RALYL: variants seen among roughly 807,000 people sequenced by gnomAD.
RALYL encodes RNA-binding Raly-like protein.
In RALYL, 29 loss-of-function variants were observed where a neutral mutation model predicts 35.1. The observed-to-expected ratio is 0.83, with a 90% CI of 0.61 to 1.13. The LOEUF (loss-of-function observed/expected upper bound fraction) is 1.13. Among genes scored for constraint, RALYL ranks in the 50% most tolerant of loss-of-function variants. The probability of loss-of-function intolerance (pLI) is 0.00; values close to 1 mark genes in which losing one functional copy is unlikely to be tolerated. For synonymous variants in RALYL, 120 were observed against 127.6 expected, an observed-to-expected ratio of 0.94 and a Z score of 0.40; for missense variants, 359 against 360.4, an observed-to-expected ratio of 1.00 and a Z score of 0.03.
chr8:84,815,703 A>G (rs1474358876), intron 4 of RALYL, among the ~76,000 whole-genome samples: 1 of 152,060 alleles, frequency 6.6e-6, no homozygotes, highest in Non-Finnish European at 1.5e-5. Flanking sequence ...CTGATCTTGG[A>G]AATAAGCTGA....
chr8:84,653,141 C>T (rs1008169666), intron 2 of RALYL, among the ~76,000 whole-genome samples: 1 of 152,004 alleles, frequency 6.6e-6, no homozygotes, highest in Non-Finnish European at 1.5e-5. Context: ...GCATGCTGTA[C>T]ACATGCTTTC....
At chr8:84,793,380 T>C (rs1040700711) in intron 3 of RALYL, among the ~76,000 whole-genome samples, 1 of 152,178 alleles carries the variant, frequency 6.6e-6, no homozygotes, top group Non-Finnish European at 1.5e-5. Context: ...ATTAATCAAT[T>C]GGGTCAACTG....
At chr8:84,552,338 G>GTGTATATA in intron 2 of RALYL, among the ~76,000 whole-genome samples, 1 of 73,924 alleles carries the variant, frequency 1.4e-5, no homozygotes, top group East Asian at 4.1e-4. Context: ...GGATGTGTGT[G>GTGTATATA]TATATATATA....
intron 2 of RALYL, among the ~76,000 whole-genome samples, chr8:84,701,801 C>T (rs892670715): frequency 4.6e-5 from 7 of 152,076 alleles, no homozygotes; most frequent in Admixed American, 2.6e-4. Context: ...TGGATTCACC[C>T]CTCCTAGAAG....
chr8:84,742,978 A>G (rs1369908156), intron 2 of RALYL, among the ~76,000 whole-genome samples: 1 of 152,046 alleles, frequency 6.6e-6, no homozygotes, highest in Non-Finnish European at 1.5e-5. Context: ...GCATGGTATC[A>G]TTCAATTTAT....
intron 2 of RALYL, among the ~76,000 whole-genome samples, chr8:84,765,527 A>G (rs995404234): frequency 6.6e-5 from 10 of 152,132 alleles, no homozygotes; most frequent in African/African-American, 2.2e-4. Context: ...TCAAACATCT[A>G]TATATACGAA....
chr8:84,727,693 G>C (rs1190696153), intron 2 of RALYL, among the ~76,000 whole-genome samples: 1 of 141,166 alleles, frequency 7.1e-6, no homozygotes, highest in Non-Finnish European at 1.5e-5. Flanking sequence ...TCATTGTTCA[G>C]TTCCCACCTA....
intron 2 of RALYL, among the ~76,000 whole-genome samples, chr8:84,539,023 T>G (rs1326080335): frequency 2.0e-5 from 3 of 152,182 alleles, no homozygotes; most frequent in African/African-American, 7.2e-5. Context: ...TAGGCTGCAA[T>G]TCTTAAGTAA....
intron 2 of RALYL, among the ~76,000 whole-genome samples, chr8:84,688,659 A>T (rs1837345226): frequency 6.6e-6 from 1 of 152,118 alleles, no homozygotes; most frequent in Non-Finnish European, 1.5e-5. Flanking sequence ...TTTTTACATT[A>T]ATCTGGGCAA....
chr8:84,761,044 A>G (rs1328311133), intron 2 of RALYL, among the ~76,000 whole-genome samples: 4 of 152,094 alleles, frequency 2.6e-5, no homozygotes, highest in African/African-American at 9.6e-5. Context: ...CCACACTTAT[A>G]AAAATATTGG....
intron 1 of RALYL, among the ~76,000 whole-genome samples, chr8:84,411,540 C>G (rs1288861888): frequency 6.6e-6 from 1 of 151,518 alleles, no homozygotes; most frequent in Non-Finnish European, 1.5e-5. Context: ...AAGAAGTTCC[C>G]TTCAACAGTT....
At chr8:84,784,869 A>G (rs1819018290) in intron 3 of RALYL, among the ~76,000 whole-genome samples, 2 of 152,228 alleles carry the variant, frequency 1.3e-5, no homozygotes, top group Admixed American at 1.3e-4. Flanking sequence ...TCATTATTTT[A>G]GAAGTTAATT....
At chr8:84,603,567 G>T (rs1389486578) in intron 2 of RALYL, among the ~76,000 whole-genome samples, 3 of 152,036 alleles carry the variant, frequency 2.0e-5, no homozygotes, top group Admixed American at 6.6e-5. Context: ...ACACCGTGAG[G>T]CTTACCTCCT....
chr8:84,198,187 C>G (rs1445267420), intron 1 of RALYL, among the ~76,000 whole-genome samples: 2 of 152,092 alleles, frequency 1.3e-5, no homozygotes, highest in South Asian at 2.1e-4. Context: ...CATAATTTCT[C>G]CAGCATGAAG....
intron 1 of RALYL, among the ~76,000 whole-genome samples, chr8:84,297,653 T>C (rs1840016616): frequency 6.6e-6 from 1 of 152,160 alleles, no homozygotes; most frequent in African/African-American, 2.4e-5. Context: ...TTGAATTAAT[T>C]TACATTCTAA....
intron 4 of RALYL, among the ~76,000 whole-genome samples, chr8:84,811,951 G>C (rs1191939004): frequency 6.6e-6 from 1 of 151,828 alleles, no homozygotes; most frequent in Admixed American, 6.6e-5. Flanking sequence ...CCTTTCTCTG[G>C]TGCCTCCCTG....
intron 2 of RALYL, among the ~76,000 whole-genome samples, chr8:84,748,867 C>T (rs1353257318): frequency 3.3e-5 from 5 of 151,982 alleles, no homozygotes; most frequent in African/African-American, 7.2e-5. Context: ...ATCAACGAGC[C>T]GGCATTTCCC....
intron 2 of RALYL, among the ~76,000 whole-genome samples, chr8:84,669,779 C>T (rs1463281081): frequency 2.0e-5 from 3 of 152,070 alleles, no homozygotes; most frequent in Non-Finnish European, 2.9e-5. Context: ...TGTGTCCCAA[C>T]TCCTGCCCTA....
chr8:84,379,868 A>G, intron 1 of RALYL, among the ~76,000 whole-genome samples: 1 of 150,758 alleles, frequency 6.6e-6, no homozygotes, highest in Non-Finnish European at 1.5e-5. Context: ...GCTCAAAAAA[A>G]AAAAAGAAAA....
Sources: gnomAD v4.1 joint callset for allele counts (sites outside exome capture counted in the v4.1 genomes callset) on GRCh38, gnomAD v4.1.1 for gene constraint, MANE v1.5 for transcripts, NCBI Gene and HGNC (gene_info 2026-07-23, HGNC 2026-07-21) for gene names.